DLGAP2: variants seen among roughly 807,000 people sequenced by gnomAD.
DLGAP2 encodes disks large-associated protein 2.
DLGAP2 carries 26 observed loss-of-function variants against 100.3 expected under a neutral mutation model. That is an observed-to-expected ratio of 0.26 (90% CI 0.19 to 0.36). DLGAP2 has a LOEUF of 0.36. Among genes scored for constraint, DLGAP2 ranks in the 10% least tolerant of loss-of-function variants. The probability of loss-of-function intolerance (pLI) is 1.00; values close to 1 mark genes in which losing one functional copy is unlikely to be tolerated. For synonymous variants in DLGAP2, 886 were observed against 630.1 expected (o/e 1.41, Z -6.08); for missense variants, 1,858 against 1,453.2 (o/e 1.28, Z -4.53).
intron 3 of DLGAP2, among the ~76,000 whole-genome samples, chr8:1,473,587 G>A (rs1471438992): frequency 6.6e-6 from 1 of 152,194 alleles, no homozygotes; most frequent in Admixed American, 6.5e-5. Context: ...GGGCTCAAGC[G>A]AGCTTTGGGG....
intron 5 of DLGAP2, among the ~76,000 whole-genome samples, chr8:1,553,300 G>A (rs945467228): frequency 2.0e-5 from 3 of 152,162 alleles, no homozygotes; most frequent in African/African-American, 4.8e-5. Context: ...GGCGTCGCCC[G>A]GCCGCAACCC....
intron 8 of DLGAP2, among the ~76,000 whole-genome samples, chr8:1,633,521 T>G (rs1364760668): frequency 1.3e-5 from 2 of 152,194 alleles, no homozygotes; most frequent in Non-Finnish European, 2.9e-5. Flanking sequence ...ATGCACTAAC[T>G]ATCTTAGAGC....
chr8:1,003,382 G>A (rs549989059), intron 2 of DLGAP2: 2 of 152,220 alleles, frequency 1.3e-5, no homozygotes, highest in Non-Finnish European at 2.9e-5. Context: ...TCACCCATCA[G>A]TGTAAGGTGC....
At chr8:1,389,330 A>G (rs1585326513) in intron 3 of DLGAP2, among the ~76,000 whole-genome samples, 1 of 151,048 alleles carries the variant, frequency 6.6e-6, no homozygotes, top group Non-Finnish European at 1.5e-5. Flanking sequence ...GCTTCCTCCC[A>G]GTCAGTGGGG....
intron 2 of DLGAP2, among the ~76,000 whole-genome samples, chr8:1,114,753 T>C (rs1203442832): frequency 6.6e-6 from 1 of 152,140 alleles, no homozygotes; most frequent in Non-Finnish European, 1.5e-5. Flanking sequence ...AGTTGATTTG[T>C]TCTTGCTTCT....
At chr8:1,302,507 C>G (rs989198369) in intron 3 of DLGAP2, 1 of 151,794 alleles carries the variant, frequency 6.6e-6, no homozygotes, top group Non-Finnish European at 1.5e-5. Context: ...TCGGAAGTTT[C>G]TGTGAATTCT....
intron 1 of DLGAP2, among the ~76,000 whole-genome samples, chr8:809,585 T>TA (rs1252686189): frequency 1.3e-5 from 2 of 152,108 alleles, no homozygotes; most frequent in Non-Finnish European, 2.9e-5. Flanking sequence ...GGAAAAGCCA[T>TA]AAAATTACAG....
At chr8:920,488 G>T (rs924079155) in intron 2 of DLGAP2, among the ~76,000 whole-genome samples, 1 of 152,224 alleles carries the variant, frequency 6.6e-6, no homozygotes, top group East Asian at 1.9e-4. Flanking sequence ...AGGCACAGTG[G>T]CTGATGCCTG....
At chr8:1,227,410 C>T in intron 2 of DLGAP2, among the ~76,000 whole-genome samples, 1 of 151,278 alleles carries the variant, frequency 6.6e-6, no homozygotes, top group Non-Finnish European at 1.5e-5. Flanking sequence ...AGATCTTTCT[C>T]CGTACATTTA....
At chr8:1,583,479 G>A (rs6993578) in intron 6 of DLGAP2, among the ~76,000 whole-genome samples, 2 of 152,108 alleles carry the variant, frequency 1.3e-5, no homozygotes, top group Middle Eastern at 3.2e-3. Flanking sequence ...CTGTGCCTCC[G>A]TAGGCAGGGA....
At chr8:1,193,201 C>T (rs1411351183) in intron 2 of DLGAP2, among the ~76,000 whole-genome samples, 1 of 152,078 alleles carries the variant, frequency 6.6e-6, no homozygotes, top group Non-Finnish European at 1.5e-5. Flanking sequence ...AATGGGATTG[C>T]TGGGTCAAAT....
intron 9 of DLGAP2, 66 bp from the exon 10 acceptor site, chr8:1,669,677 G>T (rs73672917): frequency 1.3e-6 from 1 of 779,792 alleles, no homozygotes; most frequent in Admixed American, 1.7e-5. Context: ...GAGAGCAGGG[G>T]AGCCGCCCGC....
chr8:1,655,483 G>A (rs1040746101), intron 8 of DLGAP2, among the ~76,000 whole-genome samples: 26 of 152,304 alleles, frequency 1.7e-4, no homozygotes, highest in South Asian at 1.7e-3. Flanking sequence ...TCTTGATTAC[G>A]TATTTGTGCC....
At chr8:1,134,819 A>T (rs1796370141) in intron 2 of DLGAP2, among the ~76,000 whole-genome samples, 1 of 152,090 alleles carries the variant, frequency 6.6e-6, no homozygotes, top group Non-Finnish European at 1.5e-5. Flanking sequence ...ACCATTTATA[A>T]TATAAACCAG....
At chr8:797,174 G>A (rs1016062204) in intron 1 of DLGAP2, among the ~76,000 whole-genome samples, 9 of 152,160 alleles carry the variant, frequency 5.9e-5, no homozygotes, top group African/African-American at 2.2e-4. Context: ...AGAAGAAGAC[G>A]TCCCGTCATC....
At chr8:1,479,352 A>G (rs1450612046) in intron 3 of DLGAP2, among the ~76,000 whole-genome samples, 1 of 152,212 alleles carries the variant, frequency 6.6e-6, no homozygotes, top group Non-Finnish European at 1.5e-5. Flanking sequence ...TCCCTCAGGC[A>G]CTCTGGGGAC....
At chr8:1,627,826 G>T (rs1797544686) in intron 7 of DLGAP2, among the ~76,000 whole-genome samples, 1 of 151,932 alleles carries the variant, frequency 6.6e-6, no homozygotes, top group Non-Finnish European at 1.5e-5. Context: ...GACTTACTGT[G>T]GAGCAGGGAT....
At chr8:1,693,761 C>A (rs1485211949) in intron 13 of DLGAP2, among the ~76,000 whole-genome samples, 5 of 152,210 alleles carry the variant, frequency 3.3e-5, no homozygotes, top group Admixed American at 2.0e-4. Flanking sequence ...ACCAACACAT[C>A]ACTCTGACAA....
intron 5 of DLGAP2, among the ~76,000 whole-genome samples, chr8:1,560,970 C>T (rs1388334654): frequency 1.3e-5 from 2 of 152,142 alleles, no homozygotes; most frequent in African/African-American, 4.8e-5. Flanking sequence ...TGTGTCCCCA[C>T]CGAAATCTCG....
Sources: allele counts gnomAD v4.1 joint callset (sites outside exome capture counted in the v4.1 genomes callset), GRCh38; gene constraint gnomAD v4.1.1; transcripts MANE v1.5; gene names NCBI Gene and HGNC (gene_info 2026-07-23, HGNC 2026-07-21).